The following UPF3A variants were observed in gnomAD, a reference collection of about 807,000 sequenced individuals.
The protein encoded by UPF3A is regulator of nonsense transcripts 3A.
Under a neutral mutation model 53.5 loss-of-function variants are expected in UPF3A, and 42 were observed. That is an observed-to-expected ratio of 0.78 (90% CI 0.61 to 1.01). UPF3A has a LOEUF of 1.01. Ranked by LOEUF, UPF3A falls within the 50% of genes least tolerant of loss-of-function variation. The probability of loss-of-function intolerance (pLI) is 0.00; values close to 1 mark genes in which losing one functional copy is unlikely to be tolerated. For synonymous variants in UPF3A, 237 were observed against 225.3 expected, an observed-to-expected ratio of 1.05 and a Z score of -0.47; for missense variants, 575 against 598.0, an observed-to-expected ratio of 0.96 and a Z score of 0.40.
chr13:114,293,071 CAAAAAA>C lies in UPF3A; in HGVS notation c.846+1298_846+1303del, dbSNP rs1164617444. On this transcript the variant is annotated intron_variant, in intron 7 of 9. Coordinates refer to ENST00000375299, the MANE Select transcript of UPF3A (RefSeq NM_023011.4). The stretch of plus-strand genomic sequence containing the variant: ...TGGGCGACAGAGCAAGACTCCCTCT[CAAAAAA>C]AAAAAAAAAAAAAAAAAATTTCCTG... Among the ~76,000 whole-genome samples, 11 of 49,608 alleles carry C rather than the reference CAAAAAA, an allele frequency of 2.2e-4. No individual in the cohort carries two copies. In the South Asian group the frequency reaches 4.6e-3, roughly 21 times the overall value. 32.5% of individuals were successfully genotyped at this position (49,608 alleles called of 152,430 possible). A position where few individuals can be genotyped will look rare whatever the true frequency, so the allele number is the denominator to read the frequency against.
At chr13:114,295,139 AC>A (rs1327161896) in intron 7 of UPF3A, among the ~76,000 whole-genome samples, 1 of 151,836 alleles carries the variant, frequency 6.6e-6, no homozygotes, top group Non-Finnish European at 1.5e-5. Context: ...GAAAAGAAAT[AC>A]GGCACACAGA....
At chr13:114,281,884 G>C in intron 1 of UPF3A, 38 bp downstream of exon 1, 2 of 1,419,244 alleles carry the variant, frequency 1.4e-6, no homozygotes, top group Non-Finnish European at 1.8e-6. Context: ...CTCGCGAGGA[G>C]AGGACGGCCC....
intron 5 of UPF3A, among the ~76,000 whole-genome samples, chr13:114,288,699 G>A (rs74694508): frequency 0.023 from 3,522 of 152,274 alleles, 143 homozygotes; most frequent in African/African-American, 0.081. Context: ...TTGGAGGTGG[G>A]CTGGACAGGA....
rs922969648 is a variant in UPF3A, at chr13:114,299,063, A to G, written c.1007+63A>G. ...CAGTCATGGTGACGTAGGCTTTGTC[A>G]GTATGAGTATGCCTATTTCACACTG... On this transcript the variant is annotated intron_variant, in intron 8 of 9. Coordinates refer to ENST00000375299, the MANE Select transcript of UPF3A (RefSeq NM_023011.4). 4.8e-6 allele frequency: 7 copies of G among 1,471,758 alleles called. No homozygotes were observed. In the African/African-American group the frequency reaches 1.0e-4, roughly 21 times the overall value. The allele number at this position is 1,471,758 out of a possible 1,614,324, so 91.2% of individuals were successfully genotyped here. A position where few individuals can be genotyped will look rare whatever the true frequency, so the allele number is the denominator to read the frequency against.
chr13:114,281,930 G>C (rs1293526874), intron 1 of UPF3A, 84 bp downstream of exon 1: 1 of 1,197,832 alleles, frequency 8.3e-7, no homozygotes, highest in African/African-American at 1.6e-5. Context: ...AGGGAGGGGC[G>C]GGGGCCGGGC....
In UPF3A at chr13:114,303,248, AT is replaced by A. The variant is rs555672234; in HGVS notation, c.1302+1224del. Among the ~76,000 whole-genome samples, 6 of 152,252 alleles carry A rather than the reference AT, an allele frequency of 3.9e-5. No individual in the cohort carries two copies. In the East Asian group the frequency reaches 9.7e-4, roughly 25 times the overall value. ...CAAAGTACAGCCATGCGTCTTTTTG[AT>A]AGGGCGTTGCTCATAGGAGTCCTCA... On this transcript the variant is annotated intron_variant, in intron 9 of 9. Transcript: ENST00000375299.
intron 3 of UPF3A, among the ~76,000 whole-genome samples, chr13:114,284,410 A>C (rs1388054385): frequency 6.6e-6 from 1 of 150,562 alleles, no homozygotes; most frequent in African/African-American, 2.5e-5. Context: ...AAATATGTGT[A>C]ACATGGCCAG....
intron 9 of UPF3A, among the ~76,000 whole-genome samples, chr13:114,303,767 CAAGAGTGTA>C (rs1372704400): frequency 6.6e-6 from 1 of 152,124 alleles, no homozygotes; most frequent in Non-Finnish European, 1.5e-5. Context: ...GCCTAGGCAA[CAAGAGTGTA>C]ACTTTGTCTC....
At chr13:114,283,004 T>C (rs776452364) in intron 3 of UPF3A, 61 bp downstream of exon 3, 5 of 1,232,560 alleles carry the variant, frequency 4.1e-6, no homozygotes, top group Non-Finnish European at 4.6e-6. Flanking sequence ...GAAGTATTGC[T>C]AGAATATTCG....
intron 7 of UPF3A, among the ~76,000 whole-genome samples, chr13:114,292,740 A>C (rs1378334110): frequency 6.6e-6 from 1 of 152,188 alleles, no homozygotes; most frequent in East Asian, 1.9e-4. Flanking sequence ...CCAGGTAATC[A>C]GCACAGTACC....
At chr13:114,290,642 G>A (rs2085179998) in intron 5 of UPF3A, among the ~76,000 whole-genome samples, 1 of 152,132 alleles carries the variant, frequency 6.6e-6, no homozygotes, top group Non-Finnish European at 1.5e-5. Flanking sequence ...CCAAGATAGA[G>A]TCTGTAGAAA....
At chr13:114,302,424 G>C (rs1236773461) in intron 9 of UPF3A, among the ~76,000 whole-genome samples, 1 of 152,096 alleles carries the variant, frequency 6.6e-6, no homozygotes, top group Non-Finnish European at 1.5e-5. Context: ...AGTTAGATCT[G>C]CACGGACGGT....
chr13:114,281,959 G>T (rs1728614313), intron 1 of UPF3A, 62 bp from the exon 2 acceptor site: 3 of 1,465,192 alleles, frequency 2.0e-6, no homozygotes, highest in Middle Eastern at 2.4e-4. Context: ...GCGGTACGCG[G>T]TGCCTTTTGA....
At chr13:114,294,275 G>GA (rs934635023) in intron 7 of UPF3A, among the ~76,000 whole-genome samples, 4 of 142,438 alleles carry the variant, frequency 2.8e-5, no homozygotes, top group African/African-American at 1.2e-4. Context: ...GGTTTTGGTG[G>GA]GGGGGGGGTT....
At chr13:114,297,111 T>C (rs1482331640) in intron 7 of UPF3A, among the ~76,000 whole-genome samples, 3 of 152,190 alleles carry the variant, frequency 2.0e-5, no homozygotes, top group Non-Finnish European at 2.9e-5. Flanking sequence ...ACACGTGTGA[T>C]TGAATGCATC....
chr13:114,282,797 A>G (rs2084249939), intron 2 of UPF3A, 40 bp from the exon 3 acceptor site: 6 of 1,579,804 alleles, frequency 3.8e-6, no homozygotes, highest in Non-Finnish European at 4.3e-6. Context: ...GGACTATTGT[A>G]TTTTTCACTG....
intron 7 of UPF3A, among the ~76,000 whole-genome samples, chr13:114,297,791 T>C (rs900063052): frequency 1.3e-5 from 2 of 152,110 alleles, no homozygotes; most frequent in African/African-American, 4.8e-5. Context: ...ATCAAGCCAC[T>C]GCACCCCAGC....
At chr13:114,300,162 C>T (rs1007685856) in intron 8 of UPF3A, among the ~76,000 whole-genome samples, 3 of 152,176 alleles carry the variant, frequency 2.0e-5, no homozygotes, top group South Asian at 2.1e-4. Flanking sequence ...GGCAAATGAG[C>T]GAAGCAGCCA....
At chr13:114,296,779 T>G (rs1241404319) in intron 7 of UPF3A, among the ~76,000 whole-genome samples, 3 of 152,116 alleles carry the variant, frequency 2.0e-5, no homozygotes, top group Non-Finnish European at 4.4e-5. Flanking sequence ...TTGAGTTGAA[T>G]GTGGAGCACG....
Sources: gnomAD v4.1 joint callset for allele counts (sites outside exome capture counted in the v4.1 genomes callset) on GRCh38, gnomAD v4.1.1 for gene constraint, MANE v1.5 for transcripts, NCBI Gene and HGNC (gene_info 2026-07-23, HGNC 2026-07-21) for gene names.